The following GREB1L variants were observed in gnomAD, a reference collection of about 807,000 sequenced individuals.
GREB1L encodes the protein GREB1 like retinoic acid receptor coactivator.
Under a neutral mutation model 200.8 loss-of-function variants are expected in GREB1L, and 17 were observed. The observed-to-expected ratio is 0.08, with a 90% CI of 0.06 to 0.13. The LOEUF is 0.13. Among genes scored for constraint, GREB1L ranks in the 10% least tolerant of loss-of-function variants. The probability of loss-of-function intolerance (pLI) is 1.00; values close to 1 mark genes in which losing one functional copy is unlikely to be tolerated. For synonymous variants in GREB1L, 789 were observed against 893.0 expected, an observed-to-expected ratio of 0.88 and a Z score of 2.08; for missense variants, 1,657 against 2,367.7, an observed-to-expected ratio of 0.70 and a Z score of 6.23.
chr18:21,466,727 G>A (rs138713615), intron 15 of GREB1L, among the ~76,000 whole-genome samples: 119 of 152,176 alleles, frequency 7.8e-4, no homozygotes, highest in African/African-American at 2.8e-3. Context: ...ATCCCAGCTG[G>A]CTTCTTTGCA....
chr18:21,405,401 T>C (rs1371926226), intron 7 of GREB1L, among the ~76,000 whole-genome samples: 1 of 152,240 alleles, frequency 6.6e-6, no homozygotes, highest in Non-Finnish European at 1.5e-5. Context: ...AGCTAAGATT[T>C]ACTTCATTAC....
At chr18:21,275,887 C>T (rs1171283222) in intron 1 of GREB1L, among the ~76,000 whole-genome samples, 13 of 152,084 alleles carry the variant, frequency 8.5e-5, no homozygotes, top group Non-Finnish European at 8.8e-5. Flanking sequence ...TTGAATGTGA[C>T]GTCGTTGAAT....
At chr18:21,333,650 G>T (rs2039140799) in intron 1 of GREB1L, among the ~76,000 whole-genome samples, 1 of 150,348 alleles carries the variant, frequency 6.7e-6, no homozygotes, top group Admixed American at 6.6e-5. Context: ...ACTCCAACCT[G>T]GGGGACAAGA....
At position 21,506,017 on chromosome 18, in the gene GREB1L, G is replaced by A. The variant is rs2037001770; in HGVS notation, c.4368+68G>A. On this transcript the variant is annotated intron_variant, in intron 25 of 32. Coordinates refer to ENST00000424526, the MANE Select transcript of GREB1L (RefSeq NM_001142966.3). ...GATTTTGTATGTAAGGGTGGGGGGTGGAGGGATGAAAAATAAGGCCCCTAG... is the reference window on the plus strand; with the variant it reads ...GATTTTGTATGTAAGGGTGGGGGGTAGAGGGATGAAAAATAAGGCCCCTAG... The A allele has an allele frequency of 3.5e-6, 5 of 1,444,852 alleles. No homozygotes were observed. The East Asian group carries it at 1.0e-4, about 29-fold the overall frequency. The allele number at this position is 1,444,852 out of a possible 1,614,324, so 89.5% of individuals were successfully genotyped here.
intron 4 of GREB1L, among the ~76,000 whole-genome samples, chr18:21,386,869 C>T (rs1248662668): frequency 6.6e-6 from 1 of 152,110 alleles, no homozygotes; most frequent in African/African-American, 2.4e-5. Flanking sequence ...AAAGGGAGAA[C>T]AGTTCTGAAA....
At chr18:21,475,885 C>A (rs1251673037) in intron 16 of GREB1L, among the ~76,000 whole-genome samples, 5 of 135,902 alleles carry the variant, frequency 3.7e-5, no homozygotes, top group Non-Finnish European at 1.5e-5. Flanking sequence ...AGGAGAATCA[C>A]TTGAACCCAG....
At chr18:21,498,382 C>T (rs1464930568) in intron 21 of GREB1L, among the ~76,000 whole-genome samples, 1 of 152,142 alleles carries the variant, frequency 6.6e-6, no homozygotes, top group Non-Finnish European at 1.5e-5. Context: ...CTCTGCCTGC[C>T]TCAACCCCAT....
At chr18:21,249,630 G>A (rs2037667269) in intron 1 of GREB1L, among the ~76,000 whole-genome samples, 8 of 152,032 alleles carry the variant, frequency 5.3e-5, no homozygotes, top group Admixed American at 5.2e-4. Flanking sequence ...CAAGGTCGGT[G>A]GATCACCTGA....
At chr18:21,265,523 C>G (rs967798561) in intron 1 of GREB1L, among the ~76,000 whole-genome samples, 6 of 151,974 alleles carry the variant, frequency 3.9e-5, no homozygotes, top group African/African-American at 1.5e-4. Flanking sequence ...GATGATTTGT[C>G]TTGATAGATT....
At chr18:21,467,820 T>C (rs566082243) in intron 15 of GREB1L, among the ~76,000 whole-genome samples, 7 of 151,942 alleles carry the variant, frequency 4.6e-5, no homozygotes, top group African/African-American at 1.2e-4. Flanking sequence ...GTCAGGAGAT[T>C]GAGAGCATTC....
chr18:21,288,596 T>A (rs1451301927), intron 1 of GREB1L, among the ~76,000 whole-genome samples: 3 of 152,372 alleles, frequency 2.0e-5, no homozygotes, highest in East Asian at 3.9e-4. Flanking sequence ...TTGAAATAAC[T>A]ATTTCCCTTT....
chr18:21,459,278 A>ACTTTTTTTTTTTTTTTTTTTTTTTTTC (rs2034922972), intron 15 of GREB1L, among the ~76,000 whole-genome samples: 2 of 85,202 alleles, frequency 2.3e-5, no homozygotes, highest in African/African-American at 4.9e-5. Flanking sequence ...CTTTTTCTTT[A>ACTTTTTTTTTTTTTTTTTTTTTTTTTC]CTTTTTTTTT....
At chr18:21,386,567 C>T (rs1199667109) in intron 4 of GREB1L, among the ~76,000 whole-genome samples, 5 of 146,636 alleles carry the variant, frequency 3.4e-5, no homozygotes, top group African/African-American at 1.0e-4. Flanking sequence ...GGATTATAGG[C>T]GTGAGCCACT....
intron 1 of GREB1L, among the ~76,000 whole-genome samples, chr18:21,331,550 A>G (rs1449473392): frequency 6.6e-6 from 1 of 152,214 alleles, no homozygotes; most frequent in Non-Finnish European, 1.5e-5. Context: ...GTTGTCTTCT[A>G]AGAATTCTTG....
At chr18:21,484,602 A>G (rs1305306525) in intron 17 of GREB1L, among the ~76,000 whole-genome samples, 2 of 152,170 alleles carry the variant, frequency 1.3e-5, no homozygotes, top group African/African-American at 2.4e-5. Flanking sequence ...GGATCACCTG[A>G]GTCCAGGAAT....
At position 21,495,655 on chromosome 18, in the gene GREB1L, G is replaced by A. The variant is rs1290417537; in HGVS notation, c.3031-15G>A. ...ATGAGAGTTTTAATTTTAACATACG[G>A]GTCTCTTTCTGTAGAGTTGGAGAGG... On this transcript the variant is annotated splice_polypyrimidine_tract_variant and intron_variant, in intron 19 of 32. Transcript: ENST00000424526. 6.2e-6 allele frequency: 8 copies of A among 1,298,832 alleles called. No individual in the cohort carries two copies. The highest frequency in any genetic ancestry group is 1.3e-5 in the South Asian group (1 of 75,988). The allele number at this position is 1,298,832 out of a possible 1,614,324, so 80.5% of individuals were successfully genotyped here.
intron 1 of GREB1L, among the ~76,000 whole-genome samples, chr18:21,350,238 CTTTTT>C (rs1019497941): frequency 3.0e-5 from 4 of 133,272 alleles, no homozygotes; most frequent in Non-Finnish European, 3.3e-5. Flanking sequence ...TTCTTTCTTT[CTTTTT>C]TTTTTTTTTT....
chr18:21,302,477 A>T (rs985314370), intron 1 of GREB1L, among the ~76,000 whole-genome samples: 1 of 152,256 alleles, frequency 6.6e-6, no homozygotes, highest in African/African-American at 2.4e-5. Flanking sequence ...GTGGAAAAAA[A>T]ATAGAACAAT....
At chr18:21,377,752 A>C (rs1457954608) in intron 2 of GREB1L, among the ~76,000 whole-genome samples, 1 of 152,136 alleles carries the variant, frequency 6.6e-6, no homozygotes, top group Non-Finnish European at 1.5e-5. Context: ...TCTACTAAAA[A>C]TACAAACATT....
Sources: gnomAD v4.1 joint callset for allele counts (sites outside exome capture counted in the v4.1 genomes callset) on GRCh38, gnomAD v4.1.1 for gene constraint, MANE v1.5 for transcripts, NCBI Gene and HGNC (gene_info 2026-07-23, HGNC 2026-07-21) for gene names.